The following ANO2 variants were observed in gnomAD, a reference collection of about 807,000 sequenced individuals.
ANO2 encodes the protein anoctamin-2.
ANO2 carries 101 observed loss-of-function variants against 124.2 expected under a neutral mutation model. The ratio of observed to expected loss-of-function variants is 0.81; its 90% CI spans 0.69 to 0.96. The LOEUF (loss-of-function observed/expected upper bound fraction) is 0.96. Among genes scored for constraint, ANO2 ranks in the 40% least tolerant of loss-of-function variants. ANO2 has a pLI of 0.00. For synonymous variants in ANO2, 486 were observed against 482.5 expected (o/e 1.01, Z -0.09); for missense variants, 1,293 against 1,274.5 (o/e 1.01, Z -0.22).
intron 7 of ANO2, among the ~76,000 whole-genome samples, chr12:5,814,882 C>T (rs1177918895): frequency 1.3e-5 from 2 of 152,228 alleles, no homozygotes; most frequent in African/African-American, 4.8e-5. Flanking sequence ...TTCCAAAGTT[C>T]TAGCTGTGTG....
chr12:5,698,034 G>A (rs1949258138), intron 14 of ANO2, among the ~76,000 whole-genome samples: 1 of 152,170 alleles, frequency 6.6e-6, no homozygotes, highest in South Asian at 2.1e-4. Flanking sequence ...TGGGGGCAGG[G>A]CATAGAGGCA....
intron 17 of ANO2, among the ~76,000 whole-genome samples, chr12:5,613,227 G>GTC (rs1474250305): frequency 6.6e-6 from 1 of 152,112 alleles, no homozygotes; most frequent in East Asian, 1.9e-4. Flanking sequence ...GTGTGTGCGT[G>GTC]TATGTGTGTG....
chr12:5,923,178 A>ATG (rs1941870070), intron 1 of ANO2, among the ~76,000 whole-genome samples: 1 of 62,558 alleles, frequency 1.6e-5, no homozygotes. Flanking sequence ...ACACACGCAC[A>ATG]CACACATACA....
chr12:5,930,931 T>G (rs1287687928), intron 1 of ANO2, among the ~76,000 whole-genome samples: 1 of 152,136 alleles, frequency 6.6e-6, no homozygotes, highest in Non-Finnish European at 1.5e-5. Flanking sequence ...TGGCTCAGAA[T>G]TAGCCCTCTC....
chr12:5,751,056 G>A, intron 10 of ANO2, 86 bp from the exon 11 acceptor site: 1 of 1,315,656 alleles, frequency 7.6e-7, no homozygotes, highest in Non-Finnish European at 1.0e-6. Flanking sequence ...CCTAAGGGTG[G>A]GTCAACATAG....
intron 4 of ANO2, chr12:5,839,698 C>T: frequency 2.2e-6 from 1 of 451,170 alleles, no homozygotes; most frequent in Admixed American, 2.4e-5. Flanking sequence ...GAATGTTTTG[C>T]AGTGTACCCA....
At chr12:5,933,871 A>T (rs1189711090) in intron 1 of ANO2, among the ~76,000 whole-genome samples, 2 of 152,168 alleles carry the variant, frequency 1.3e-5, no homozygotes, top group Non-Finnish European at 2.9e-5. Context: ...CGCCTTCCCT[A>T]ACCACTGAAG....
At chr12:5,745,805 AAT>A (rs1253234538) in intron 11 of ANO2, among the ~76,000 whole-genome samples, 1 of 152,172 alleles carries the variant, frequency 6.6e-6, no homozygotes, top group African/African-American at 2.4e-5. Flanking sequence ...GAAAATATTA[AAT>A]AGTCATATCT....
intron 10 of ANO2, among the ~76,000 whole-genome samples, chr12:5,798,788 A>C (rs531062573): frequency 6.6e-6 from 1 of 152,352 alleles, no homozygotes; most frequent in East Asian, 1.9e-4. Context: ...ACCAGAACTC[A>C]CGTCTCCAGA....
chr12:5,679,750 C>T (rs1316049754), intron 14 of ANO2, among the ~76,000 whole-genome samples: 1 of 152,140 alleles, frequency 6.6e-6, no homozygotes, highest in African/African-American at 2.4e-5. Flanking sequence ...AGACCTAGAA[C>T]CAGAAATACC....
In ANO2 at chr12:5,695,877, A is replaced by T. The variant is rs141759162; in HGVS notation, c.1545+36643T>A. ...TTAATTAATTAATAAAATAACCCAT[A>T]GAATAAAGAATTCATAATTGAATTT... On this transcript the variant is annotated intron_variant, in intron 14 of 24. Coordinates refer to ENST00000682330, the MANE Select transcript of ANO2 (RefSeq NM_001364791.2). Among the ~76,000 whole-genome samples the T allele has an allele frequency of 1.2e-3, 190 of 152,284 alleles. 2 individuals carry two copies. The East Asian group carries it at 0.016, about 13-fold the overall frequency.
chr12:5,879,368 G>T (rs924638915), intron 3 of ANO2, among the ~76,000 whole-genome samples: 1 of 152,088 alleles, frequency 6.6e-6, no homozygotes, highest in African/African-American at 2.4e-5. Flanking sequence ...AAATAAACAA[G>T]TTATTATAGC....
intron 10 of ANO2, among the ~76,000 whole-genome samples, chr12:5,797,780 C>T (rs1042728298): frequency 6.6e-6 from 1 of 152,180 alleles, no homozygotes; most frequent in Non-Finnish European, 1.5e-5. Context: ...GGGAGTGTTC[C>T]AGGCCATCTG....
At chr12:5,656,558 G>A (rs1209586744) in intron 14 of ANO2, among the ~76,000 whole-genome samples, 1 of 152,060 alleles carries the variant, frequency 6.6e-6, no homozygotes, top group Non-Finnish European at 1.5e-5. Flanking sequence ...CTTAGTTCAG[G>A]CCCTGCACAG....
chr12:5,759,601 A>T (rs1047382824), intron 10 of ANO2, among the ~76,000 whole-genome samples: 1 of 148,318 alleles, frequency 6.7e-6, no homozygotes, highest in Non-Finnish European at 1.5e-5. Flanking sequence ...TGAACTGCGC[A>T]TGGGAGGGAT....
rs61059041 is a variant in ANO2 at position 5,636,605 on chromosome 12, TACACACACACAC to T, written c.1621-1270_1621-1259del. Among the ~76,000 whole-genome samples, 45 of 118,574 alleles carry T rather than the reference TACACACACACAC, an allele frequency of 3.8e-4. 1 individual carries two copies. The highest frequency in any genetic ancestry group is 5.5e-4 in the Non-Finnish European group (32 of 58,572). The allele number at this position is 118,574 out of a possible 152,430, so 77.8% of individuals were successfully genotyped here. A position where few individuals can be genotyped will look rare whatever the true frequency, so the allele number is the denominator to read the frequency against. ...CCTGAAAAAATAAGCTGTGCTGGACTACACACACACACACACACACACACACACACACACACA... is the reference window on the plus strand; with the variant it reads ...CCTGAAAAAATAAGCTGTGCTGGACTACACACACACACACACACACACACA... On this transcript the variant is annotated intron_variant, in intron 15 of 24. Transcript: ENST00000682330. The surrounding 1 kb of genome is among the most constrained non-coding windows in gnomAD (Gnocchi z 4.6).
intron 10 of ANO2, among the ~76,000 whole-genome samples, chr12:5,789,569 G>T (rs1464135794): frequency 2.0e-5 from 3 of 152,166 alleles, no homozygotes; most frequent in Non-Finnish European, 4.4e-5. Flanking sequence ...CAACCAATTT[G>T]CCAGAGGCAG....
chr12:5,692,150 T>C (rs963508537), intron 14 of ANO2, among the ~76,000 whole-genome samples: 1 of 152,148 alleles, frequency 6.6e-6, no homozygotes, highest in African/African-American at 2.4e-5. Context: ...GCAATACCCC[T>C]GGCAAGAACT....
intron 14 of ANO2, among the ~76,000 whole-genome samples, chr12:5,657,552 T>G (rs1947221209): frequency 6.6e-6 from 1 of 151,048 alleles, no homozygotes. Flanking sequence ...CAGGTTGGAG[T>G]GCAGTATGCT....
Sources: gnomAD v4.1 joint callset for allele counts (sites outside exome capture counted in the v4.1 genomes callset) on GRCh38, gnomAD v4.1.1 for gene constraint, Gnocchi (gnomAD v3.1) non-coding constraint, MANE v1.5 for transcripts, NCBI Gene and HGNC (gene_info 2026-07-23, HGNC 2026-07-21) for gene names.